Variants in PDE10A observed in about 807,000 individuals in gnomAD.
PDE10A encodes cAMP and cAMP-inhibited cGMP 3',5'-cyclic phosphodiesterase 10A.
Under a neutral mutation model 97.7 loss-of-function variants are expected in PDE10A, and 39 were observed. That is an observed-to-expected ratio of 0.40 (90% CI 0.31 to 0.52). The LOEUF is 0.52. Among genes scored for constraint, PDE10A ranks in the 20% least tolerant of loss-of-function variants. The pLI is 0.56. For synonymous variants in PDE10A, 371 were observed against 376.8 expected (o/e 0.98, Z 0.18); for missense variants, 731 against 1,047.8 (o/e 0.70, Z 4.17).
At chr6:165,945,697 G>A (rs1783742893) in intron 1 of PDE10A, among the ~76,000 whole-genome samples, 1 of 152,226 alleles carries the variant, frequency 6.6e-6, no homozygotes, top group Non-Finnish European at 1.5e-5. Context: ...CAGCCTGCAG[G>A]ACTCTGAGAA....
At chr6:165,854,891 G>A (rs1355924551) in intron 1 of PDE10A, among the ~76,000 whole-genome samples, 5 of 152,210 alleles carry the variant, frequency 3.3e-5, no homozygotes, top group Non-Finnish European at 5.9e-5. Flanking sequence ...CACAGAAGAG[G>A]GGACCGCGGG....
chr6:165,906,320 G>C, intron 1 of PDE10A, among the ~76,000 whole-genome samples: 1 of 151,656 alleles, frequency 6.6e-6, no homozygotes. Flanking sequence ...ACTTTTCCCA[G>C]CCTCCTATGA....
chr6:165,486,865 C>A (rs1779953379), intron 2 of PDE10A, among the ~76,000 whole-genome samples: 1 of 152,196 alleles, frequency 6.6e-6, no homozygotes, highest in South Asian at 2.1e-4. Context: ...GCAGATAAAG[C>A]AGCTGCATTC....
At chr6:165,885,707 G>A (rs1003559517) in intron 1 of PDE10A, among the ~76,000 whole-genome samples, 3 of 152,254 alleles carry the variant, frequency 2.0e-5, no homozygotes, top group Non-Finnish European at 4.4e-5. Context: ...GGCAGATCCA[G>A]TGCGTCCTTC....
At chr6:165,827,314 G>T (rs948352218) in intron 1 of PDE10A, among the ~76,000 whole-genome samples, 1 of 152,212 alleles carries the variant, frequency 6.6e-6, no homozygotes, top group Admixed American at 6.5e-5. Flanking sequence ...GACGCGGGGC[G>T]GGGGCACCCG....
Position 165,862,143 on chromosome 6 carries a change from A to C in PDE10A, c.-615+125386T>G, listed in dbSNP as rs568098213. On this transcript the variant is annotated intron_variant, in intron 1 of 19. Coordinates refer to the PDE10A transcript ENST00000366882. ...TTTGTGATTGATAAAGAATCAGAGA[A>C]TAACCAAGTAATATCTTTCAGTATT... 2.6e-5 allele frequency among the ~76,000 whole-genome samples: 4 copies of C among 152,360 alleles called. No homozygotes were observed. In the South Asian group the frequency reaches 8.3e-4, roughly 32 times the overall value.
At chr6:165,356,268 T>C (rs572212983) in intron 18 of PDE10A, among the ~76,000 whole-genome samples, 2 of 152,320 alleles carry the variant, frequency 1.3e-5, no homozygotes, top group South Asian at 2.1e-4. Flanking sequence ...TGTTGGTCTT[T>C]GTAATTTTGG....
chr6:165,855,365 C>A (rs1780702521), intron 1 of PDE10A, among the ~76,000 whole-genome samples: 1 of 150,414 alleles, frequency 6.6e-6, no homozygotes. Context: ...GCCTTGGGTG[C>A]CAGGGTGAAG....
chr6:165,831,909 C>A (rs1467883013), intron 1 of PDE10A, among the ~76,000 whole-genome samples: 1 of 152,134 alleles, frequency 6.6e-6, no homozygotes, highest in Non-Finnish European at 1.5e-5. Flanking sequence ...CTCCCCCTTA[C>A]GTCTTCTACT....
At chr6:165,533,303 G>A (rs2128316146) in intron 2 of PDE10A, among the ~76,000 whole-genome samples, 1 of 152,288 alleles carries the variant, frequency 6.6e-6, no homozygotes, top group East Asian at 1.9e-4. Flanking sequence ...ACTGTTGTGA[G>A]AACATCATAG....
chr6:165,743,181 C>T (rs757174212), intron 1 of PDE10A, among the ~76,000 whole-genome samples: 5 of 152,284 alleles, frequency 3.3e-5, no homozygotes, highest in South Asian at 2.1e-4. Flanking sequence ...GGAAGTCCCT[C>T]GTATTCCAGT....
intron 2 of PDE10A, among the ~76,000 whole-genome samples, chr6:165,543,123 TTATC>T (rs1455275985): frequency 5.9e-5 from 9 of 152,180 alleles, no homozygotes; most frequent in African/African-American, 9.7e-5. Flanking sequence ...TGAATAATGT[TTATC>T]TAATCACTAA....
Position 165,418,897 on chromosome 6 carries a change from G to A in PDE10A, c.1654-120C>T, listed in dbSNP as rs1006929073. 1 of 703,368 alleles carries A rather than the reference G, an allele frequency of 1.4e-6. No homozygotes were observed. Among genetic ancestry groups the A allele is most frequent in the African/African-American group, 1.8e-5 (1 of 55,254 alleles). The allele number at this position is 703,368 out of a possible 1,614,324, so 43.6% of individuals were successfully genotyped here. A position where few individuals can be genotyped will look rare whatever the true frequency, so the allele number is the denominator to read the frequency against. On this transcript the variant is annotated intron_variant, in intron 10 of 21. Transcript: ENST00000539869. This position sits in a 1 kb window ranked among gnomAD's most constrained non-coding sequence, Gnocchi z 4.8. ...CCTATACTCTAATTGGTTGGTATTA[G>A]CATTATAAGTAAATAAATATACAAG... is the stretch of plus-strand genomic sequence containing the variant.
chr6:165,752,227 CAGTT>C (rs1276205922), intron 1 of PDE10A, among the ~76,000 whole-genome samples: 1 of 151,456 alleles, frequency 6.6e-6, no homozygotes, highest in African/African-American at 2.4e-5. Flanking sequence ...CACTGTCTAT[CAGTT>C]AGCCCTGCTC....
chr6:165,401,132 T>C (rs1786628854), intron 13 of PDE10A, among the ~76,000 whole-genome samples: 1 of 152,212 alleles, frequency 6.6e-6, no homozygotes, highest in African/African-American at 2.4e-5. Flanking sequence ...TATACTAAGT[T>C]GTACACTTTA....
chr6:165,811,505 T>C (rs1484173965), intron 1 of PDE10A, among the ~76,000 whole-genome samples: 2 of 152,196 alleles, frequency 1.3e-5, no homozygotes, highest in African/African-American at 2.4e-5. Context: ...GCTTCTTATG[T>C]CCTTTCTGTC....
chr6:165,976,333 C>T (rs1210368494), intron 1 of PDE10A, among the ~76,000 whole-genome samples: 1 of 152,174 alleles, frequency 6.6e-6, no homozygotes, highest in Non-Finnish European at 1.5e-5. Context: ...CTCTCACCAT[C>T]TTTGTATACC....
At chr6:165,394,142 C>T (rs1345601892) in intron 15 of PDE10A, among the ~76,000 whole-genome samples, 4 of 152,098 alleles carry the variant, frequency 2.6e-5, no homozygotes, top group African/African-American at 4.8e-5. Context: ...TAGGTATACA[C>T]GTGCCATGAT....
intron 1 of PDE10A, among the ~76,000 whole-genome samples, chr6:165,782,470 G>A (rs573123737): frequency 6.6e-6 from 1 of 152,238 alleles, no homozygotes; most frequent in South Asian, 2.1e-4. Context: ...CTACAAAATC[G>A]GCTGAGTGCA....
Sources: gnomAD v4.1 joint callset for allele counts (sites outside exome capture counted in the v4.1 genomes callset) on GRCh38, gnomAD v4.1.1 for gene constraint, Gnocchi (gnomAD v3.1) non-coding constraint, MANE v1.5 for transcripts, NCBI Gene and HGNC (gene_info 2026-07-23, HGNC 2026-07-21) for gene names.